Variants in LPP observed in about 807,000 individuals in gnomAD.
LPP encodes lipoma-preferred partner.
A neutral mutation model predicts 60.4 loss-of-function variants in LPP; 38 were observed. The observed-to-expected ratio is 0.63, with a 90% confidence interval of 0.49 to 0.83. The LOEUF is 0.83. Among genes scored for constraint, LPP ranks in the 40% least tolerant of loss-of-function variants. The pLI is 0.00. For missense variants in LPP, 902 were observed against 783.6 expected, an observed-to-expected ratio of 1.15 and a Z score of -1.80; for synonymous variants, 328 against 290.8, an observed-to-expected ratio of 1.13 and a Z score of -1.30.
intron 6 of LPP, chr3:188,554,204 C>G (rs1353678305): frequency 2.6e-5 from 4 of 151,916 alleles, no homozygotes; most frequent in Non-Finnish European, 2.9e-5. Context: ...AAACTTGTTT[C>G]TTCTGTGTTG....
chr3:188,295,844 G>C (rs144941494), intron 2 of LPP, among the ~76,000 whole-genome samples: 2 of 152,160 alleles, frequency 1.3e-5, no homozygotes, highest in African/African-American at 4.8e-5. Flanking sequence ...GTTTTTAAGT[G>C]AGAATTATTT....
chr3:188,583,254 C>G (rs1836673178), intron 6 of LPP, among the ~76,000 whole-genome samples: 1 of 152,118 alleles, frequency 6.6e-6, no homozygotes, highest in African/African-American at 2.4e-5. Flanking sequence ...CTCTGGTATA[C>G]ATGAAGAAGA....
rs1204775908 is a variant in LPP at position 188,886,908 on chromosome 3, G to T, written c.*12429G>T. On this transcript the variant is annotated 3_prime_UTR_variant, in exon 12 of 12. Transcript: ENST00000617246. ...GAAGAAAAAGCTAGTTAAATTTTGT[G>T]TGGATCCATTTATCTCTTAAAATAT... The T allele has an allele frequency of 1.3e-5, 3 of 230,496 alleles. No individual in the cohort carries two copies. Among genetic ancestry groups the T allele is most frequent in the Non-Finnish European group, 2.6e-5 (3 of 116,500 alleles). The allele number at this position is 230,496 out of a possible 1,614,324, so 14.3% of individuals were successfully genotyped here. A position where few individuals can be genotyped will look rare whatever the true frequency, so the allele number is the denominator to read the frequency against.
At chr3:188,383,920 A>T (rs1461698173) in intron 3 of LPP, among the ~76,000 whole-genome samples, 1 of 152,182 alleles carries the variant, frequency 6.6e-6, no homozygotes, top group Non-Finnish European at 1.5e-5. Context: ...AACTAACAGC[A>T]TGTCATTTCC....
At chr3:188,707,881 C>T (rs1865800661) in intron 7 of LPP, among the ~76,000 whole-genome samples, 1 of 152,188 alleles carries the variant, frequency 6.6e-6, no homozygotes, top group Non-Finnish European at 1.5e-5. Flanking sequence ...CTTCCTGCAG[C>T]TGTTTTTCTT....
intron 9 of LPP, among the ~76,000 whole-genome samples, chr3:188,855,702 C>G (rs977185754): frequency 6.6e-6 from 1 of 152,206 alleles, no homozygotes; most frequent in Non-Finnish European, 1.5e-5. Context: ...GACAAAGAAC[C>G]ATGCCCTATT....
At chr3:188,247,329 C>A in intron 2 of LPP, 1 of 190,408 alleles carries the variant, frequency 5.3e-6, no homozygotes, top group Non-Finnish European at 9.6e-6. Context: ...GGTAGGAGAG[C>A]AATACCTTTG....
At chr3:188,330,447 C>T (rs1207341779) in intron 2 of LPP, among the ~76,000 whole-genome samples, 1 of 152,174 alleles carries the variant, frequency 6.6e-6, no homozygotes, top group Non-Finnish European at 1.5e-5. Flanking sequence ...CAGTTGCCTT[C>T]CCCCACCTGT....
chr3:188,311,150 T>A (rs13098780), intron 2 of LPP, among the ~76,000 whole-genome samples: 52,458 of 151,756 alleles, frequency 0.35, 9,716 homozygotes, highest in East Asian at 0.67. Flanking sequence ...CCCAATTTTT[T>A]TTTTTTAGTT....
Position 188,352,342 on chromosome 3 carries a change from G to C in LPP, c.-10+10623G>C, listed in dbSNP as rs974075663. On this transcript the variant is annotated intron_variant, in intron 3 of 11. Coordinates refer to ENST00000617246, the MANE Select transcript of LPP (RefSeq NM_001375462.1). This position sits in a 1 kb window ranked among gnomAD's most constrained non-coding sequence, Gnocchi z 4.4. ...CTGCTTTTTCTCCCCACCTTTGGCA[G>C]CTTGTGAGCGGTGTTGCCATGACAC... 2.0e-5 allele frequency among the ~76,000 whole-genome samples: 3 copies of C among 152,194 alleles called. No homozygotes were observed. The highest frequency in any genetic ancestry group is 4.8e-5 in the African/African-American group (2 of 41,440).
At chr3:188,219,004 T>G (rs1264197459) in intron 1 of LPP, among the ~76,000 whole-genome samples, 1 of 151,658 alleles carries the variant, frequency 6.6e-6, no homozygotes, top group Non-Finnish European at 1.5e-5. Context: ...AAATCCAGAT[T>G]TAGATCACTT....
intron 4 of LPP, among the ~76,000 whole-genome samples, chr3:188,464,502 A>G (rs1449946911): frequency 6.6e-6 from 1 of 152,162 alleles, no homozygotes; most frequent in Non-Finnish European, 1.5e-5. Context: ...GATTCTACAA[A>G]TGGAAGATTT....
chr3:188,181,040 A>T (rs1385765304), intron 1 of LPP, among the ~76,000 whole-genome samples: 3 of 152,100 alleles, frequency 2.0e-5, no homozygotes, highest in Non-Finnish European at 4.4e-5. Context: ...CTGGAGAAAC[A>T]CAGAAACATG....
chr3:188,307,583 G>C (rs1207866793), intron 2 of LPP, among the ~76,000 whole-genome samples: 1 of 152,108 alleles, frequency 6.6e-6, no homozygotes, highest in Non-Finnish European at 1.5e-5. Flanking sequence ...ACCACACTGG[G>C]ATGTAAGCTC....
chr3:188,372,454 G>A (rs534229537), intron 3 of LPP, among the ~76,000 whole-genome samples: 1 of 152,044 alleles, frequency 6.6e-6, no homozygotes, highest in East Asian at 1.9e-4. Context: ...CAAATACAAA[G>A]CGTTGAGCTT....
chr3:188,562,064 GACACACACAGACACACACACACAT>G (rs1173648812), intron 6 of LPP, among the ~76,000 whole-genome samples: 2 of 151,340 alleles, frequency 1.3e-5, no homozygotes, highest in Non-Finnish European at 3.0e-5. Context: ...GACACACACA[GACACACACAGACACACACACACAT>G]ACAAACACAC....
chr3:188,491,259 C>T (rs1004861374), intron 5 of LPP, among the ~76,000 whole-genome samples: 15 of 152,182 alleles, frequency 9.9e-5, no homozygotes, highest in African/African-American at 1.7e-4. Flanking sequence ...TTTCTGCTGC[C>T]GGTTAGTGTG....
intron 9 of LPP, among the ~76,000 whole-genome samples, chr3:188,803,045 C>CT (rs374563246): frequency 0.17 from 22,220 of 130,352 alleles, 2,619 homozygotes; most frequent in African/African-American, 0.3. Context: ...GTTGTATATG[C>CT]TTTTTTTTTT....
chr3:188,278,227 A>G (rs570211470), intron 2 of LPP, among the ~76,000 whole-genome samples: 3 of 152,344 alleles, frequency 2.0e-5, no homozygotes, highest in South Asian at 2.1e-4. Flanking sequence ...AGCTTACCCA[A>G]TGTGGCACAA....
Sources: allele counts gnomAD v4.1 joint callset (sites outside exome capture counted in the v4.1 genomes callset), GRCh38; gene constraint gnomAD v4.1.1; non-coding constraint Gnocchi (gnomAD v3.1); transcripts MANE v1.5; gene names NCBI Gene and HGNC (gene_info 2026-07-23, HGNC 2026-07-21).